Variants in WWC2 observed in about 807,000 individuals in gnomAD.
WWC2 encodes the protein protein WWC2.
WWC2 carries 101 observed loss-of-function variants against 138.5 expected under a neutral mutation model. The ratio of observed to expected loss-of-function variants is 0.73; its 90% CI spans 0.62 to 0.86. The LOEUF is 0.86. Ranked by LOEUF, WWC2 falls within the 40% of genes least tolerant of loss-of-function variation. WWC2 has a pLI of 0.00. For synonymous variants in WWC2, 558 were observed against 538.4 expected (o/e 1.04, Z -0.50); for missense variants, 1,420 against 1,419.4 (o/e 1.00, Z -0.01).
intron 1 of WWC2, among the ~76,000 whole-genome samples, chr4:183,103,347 T>C (rs1243462666): frequency 6.6e-6 from 1 of 150,790 alleles, no homozygotes; most frequent in African/African-American, 2.4e-5. Flanking sequence ...TTTTTTTTTT[T>C]TTTGAGACGG....
At chr4:183,289,662 G>A (rs769315452) in intron 21 of WWC2, 27 bp downstream of exon 21, 63 of 1,607,516 alleles carry the variant, frequency 3.9e-5, no homozygotes, top group African/African-American at 9.4e-5. Flanking sequence ...CTGTCATCTC[G>A]GAGGGGCTTA....
intron 16 of WWC2, among the ~76,000 whole-genome samples, chr4:183,275,323 G>A (rs1262660620): frequency 1.3e-5 from 2 of 151,754 alleles, no homozygotes; most frequent in African/African-American, 2.4e-5. Context: ...TATTTGCCCT[G>A]GCTAGAACTT....
chr4:183,139,755 C>T (rs1282742710), intron 1 of WWC2, among the ~76,000 whole-genome samples: 2 of 152,160 alleles, frequency 1.3e-5, no homozygotes, highest in East Asian at 1.9e-4. Flanking sequence ...GCCGCCCTAC[C>T]CCCGTCATCT....
At chr4:183,115,194 G>T (rs1346307951) in intron 1 of WWC2, among the ~76,000 whole-genome samples, 1 of 152,174 alleles carries the variant, frequency 6.6e-6, no homozygotes, top group Admixed American at 6.5e-5. Context: ...TTGTTGCAGA[G>T]ATCATGATTT....
chr4:183,292,416 G>A (rs1738486826), intron 21 of WWC2, among the ~76,000 whole-genome samples: 1 of 152,128 alleles, frequency 6.6e-6, no homozygotes, highest in African/African-American at 2.4e-5. Flanking sequence ...GGTGACTGAG[G>A]CAAGAGGATC....
chr4:183,178,630 G>C (rs1355719106), intron 1 of WWC2, among the ~76,000 whole-genome samples: 1 of 151,032 alleles, frequency 6.6e-6, no homozygotes, highest in Non-Finnish European at 1.5e-5. Flanking sequence ...TGAAGCACCA[G>C]ATACTTCCCC....
chr4:183,142,621 G>A (rs1733334424), intron 1 of WWC2, among the ~76,000 whole-genome samples: 1 of 152,146 alleles, frequency 6.6e-6, no homozygotes, highest in Non-Finnish European at 1.5e-5. Context: ...ATATATTTGT[G>A]CCTATTTTAA....
At chr4:183,305,893 CTAAG>C (rs1739010963) in intron 21 of WWC2, among the ~76,000 whole-genome samples, 1 of 152,082 alleles carries the variant, frequency 6.6e-6, no homozygotes, top group Non-Finnish European at 1.5e-5. Context: ...ATAAATAATT[CTAAG>C]TAATGATAGC....
At chr4:183,174,979 C>A (rs1734419434) in intron 1 of WWC2, among the ~76,000 whole-genome samples, 1 of 151,754 alleles carries the variant, frequency 6.6e-6, no homozygotes, top group Non-Finnish European at 1.5e-5. Flanking sequence ...ATACATTTCC[C>A]AGTATATATG....
Position 183,239,685 on chromosome 4 carries a change from AG to A in WWC2, c.523-492del, listed in dbSNP as rs1162752550. On this transcript the variant is annotated intron_variant, in intron 4 of 22. Coordinates refer to ENST00000403733, the MANE Select transcript of WWC2 (RefSeq NM_024949.6). Reference sequence around the variant, plus strand: ...AATAAAACAGAGCCGTGGCAGGGGCAGGGGGGCTAGAGAAGTCCTATTTGAA... The same window carrying A: ...AATAAAACAGAGCCGTGGCAGGGGCAGGGGGCTAGAGAAGTCCTATTTGAA... Among the ~76,000 whole-genome samples, 4 of 152,166 alleles carry A rather than the reference AG, an allele frequency of 2.6e-5. No homozygotes were observed. In the East Asian group the frequency reaches 5.8e-4, roughly 22 times the overall value.
At chr4:183,172,907 A>G (rs1734336079) in intron 1 of WWC2, among the ~76,000 whole-genome samples, 1 of 151,950 alleles carries the variant, frequency 6.6e-6, no homozygotes, top group African/African-American at 2.4e-5. Context: ...ACTCTTTGGG[A>G]AATTTTTTAA....
At chr4:183,138,295 G>T (rs1455665685) in intron 1 of WWC2, among the ~76,000 whole-genome samples, 3 of 152,254 alleles carry the variant, frequency 2.0e-5, no homozygotes, top group Admixed American at 2.0e-4. Context: ...CATTATAAGA[G>T]GATCTAGTCT....
chr4:183,107,570 C>G (rs1216286874), intron 1 of WWC2, among the ~76,000 whole-genome samples: 1 of 152,160 alleles, frequency 6.6e-6, no homozygotes, highest in Non-Finnish European at 1.5e-5. Flanking sequence ...CAAGCCTCCC[C>G]TTATTCTAGC....
chr4:183,173,227 G>T (rs1249142865), intron 1 of WWC2, among the ~76,000 whole-genome samples: 1 of 151,932 alleles, frequency 6.6e-6, no homozygotes, highest in Non-Finnish European at 1.5e-5. Flanking sequence ...TAATTTCTTT[G>T]TTTTTGTAGA....
intron 1 of WWC2, among the ~76,000 whole-genome samples, chr4:183,131,181 G>A (rs987145291): frequency 3.3e-5 from 5 of 152,014 alleles, no homozygotes; most frequent in African/African-American, 7.2e-5. Flanking sequence ...ACAAACTCCC[G>A]TGTAAACTTC....
chr4:183,287,371 C>T (rs112526380), intron 20 of WWC2, among the ~76,000 whole-genome samples: 84 of 152,284 alleles, frequency 5.5e-4, no homozygotes, highest in African/African-American at 1.9e-3. Flanking sequence ...AATGAAAAGT[C>T]TTCTCAACTC....
intron 5 of WWC2, among the ~76,000 whole-genome samples, chr4:183,243,918 A>G (rs566951105): frequency 5.7e-4 from 87 of 152,276 alleles, no homozygotes; most frequent in Non-Finnish European, 1.1e-3. Context: ...GATAGTTACT[A>G]AAACAGTGCT....
At position 183,164,510 on chromosome 4, in the gene WWC2, G is replaced by A. The variant is rs1201593324; in HGVS notation, c.132-29089G>A. On this transcript the variant is annotated intron_variant, in intron 1 of 22. Coordinates refer to ENST00000403733, the MANE Select transcript of WWC2 (RefSeq NM_024949.6). ...GATCTTCAAAAGGCAGAGAAAATTA[G>A]AACTAAGGAATTCCTACCTTTTTTA... Among the ~76,000 whole-genome samples the A allele has an allele frequency of 1.3e-4, 20 of 150,906 alleles. No individual in the cohort carries two copies. The East Asian group carries it at 3.7e-3, about 28-fold the overall frequency.
chr4:183,154,022 A>C (rs1040305649), intron 1 of WWC2, among the ~76,000 whole-genome samples: 1 of 151,100 alleles, frequency 6.6e-6, no homozygotes, highest in African/African-American at 2.5e-5. Flanking sequence ...AAAAAAAAAA[A>C]AAAAAACCCC....
Sources: allele counts gnomAD v4.1 joint callset (sites outside exome capture counted in the v4.1 genomes callset), GRCh38; gene constraint gnomAD v4.1.1; transcripts MANE v1.5; gene names NCBI Gene and HGNC (gene_info 2026-07-23, HGNC 2026-07-21).